PEBP1: variants seen among roughly 807,000 people sequenced by gnomAD.
PEBP1 encodes phosphatidylethanolamine-binding protein 1.
In PEBP1, 17 loss-of-function variants were observed where a neutral mutation model predicts 22.7. That is an observed-to-expected ratio of 0.75 (90% confidence interval 0.51 to 1.12). The LOEUF (loss-of-function observed/expected upper bound fraction) is 1.12, where lower values mean the gene tolerates loss of function less well. Ranked by LOEUF, PEBP1 falls within the 50% of genes most tolerant of loss-of-function variation. The probability of loss-of-function intolerance (pLI) is 0.00; values close to 1 mark genes in which losing one functional copy is unlikely to be tolerated. For synonymous variants in PEBP1, 106 were observed against 104.3 expected (o/e 1.02, Z -0.10); for missense variants, 205 against 243.5 (o/e 0.84, Z 1.05).
At chr12:118,137,945 C>A in intron 1 of PEBP1, 94 bp from the exon 2 acceptor site, 1 of 821,758 alleles carries the variant, frequency 1.2e-6, no homozygotes, top group Admixed American at 2.0e-5. Flanking sequence ...CCTAGGCCTC[C>A]CAAAGTGCTG....
chr12:118,137,256 G>GA (rs1304744650), intron 1 of PEBP1, among the ~76,000 whole-genome samples: 2 of 152,158 alleles, frequency 1.3e-5, no homozygotes, highest in Non-Finnish European at 2.9e-5. Context: ...GTGTCGTTGA[G>GA]AGGGGACTCA....
intron 3 of PEBP1, among the ~76,000 whole-genome samples, chr12:118,141,400 C>T (rs1265652873): frequency 6.6e-6 from 1 of 152,212 alleles, no homozygotes; most frequent in Non-Finnish European, 1.5e-5. Flanking sequence ...CAGGCGTGAG[C>T]CACTGTGTCC....
rs774728847 is a variant in PEBP1, at chr12:118,136,375, G to C, written c.135+31G>C. ...CCGGGCGGCGGGCGTGCAGCGAGCGGCACGGCGCGGAGGCCTGTGCCGGCC... is the reference window on the plus strand; with the variant it reads ...CCGGGCGGCGGGCGTGCAGCGAGCGCCACGGCGCGGAGGCCTGTGCCGGCC... On this transcript the variant is annotated intron_variant, in intron 1 of 3. Transcript: ENST00000261313. This position sits in a 1 kb window ranked among gnomAD's most constrained non-coding sequence, Gnocchi z 5.6. 85 of 1,527,946 alleles carry C rather than the reference G, an allele frequency of 5.6e-5. 2 individuals carry two copies. In the South Asian group the frequency reaches 1.0e-3, roughly 18 times the overall value. 94.6% of individuals were successfully genotyped at this position (1,527,946 alleles called of 1,614,324 possible). A position where few individuals can be genotyped will look rare whatever the true frequency, so the allele number is the denominator to read the frequency against.
At chr12:118,138,249 C>A (rs1037522034) in intron 2 of PEBP1, 101 bp downstream of exon 2, 22 of 794,096 alleles carry the variant, frequency 2.8e-5, no homozygotes, top group Middle Eastern at 2.2e-4. Flanking sequence ...TTTGGGATGC[C>A]CCCACCCATG....
Position 118,136,191 on chromosome 12 carries a change from C to A in PEBP1, c.-19C>A. ...GCCTACCGCGGCACTCCCGGCTGCA[C>A]GCTCTGCTTGGCCTCGCCATGCCGG... On this transcript the variant is annotated 5_prime_UTR_variant, in exon 1 of 4. Coordinates refer to ENST00000261313, the MANE Select transcript of PEBP1 (RefSeq NM_002567.4). This position sits in a 1 kb window ranked among gnomAD's most constrained non-coding sequence, Gnocchi z 5.6. 6.5e-7 allele frequency: 1 copy of A among 1,543,006 alleles called. No homozygotes were observed.
chr12:118,141,141 G>C (rs1318589443), intron 3 of PEBP1, among the ~76,000 whole-genome samples: 1 of 151,136 alleles, frequency 6.6e-6, no homozygotes, highest in Non-Finnish European at 1.5e-5. Context: ...TTCTGAGATG[G>C]AGTCTCGCTC....
chr12:118,140,260 T>G (rs751369125), intron 3 of PEBP1, among the ~76,000 whole-genome samples: 44 of 152,178 alleles, frequency 2.9e-4, no homozygotes, highest in Non-Finnish European at 5.3e-4. Flanking sequence ...GGTGGAACTG[T>G]CATAATCCTA....
chr12:118,136,606 AAG>A lies in PEBP1; in HGVS notation c.135+265_135+266del, dbSNP rs763343751. On this transcript the variant is annotated intron_variant, in intron 1 of 3. Transcript: ENST00000261313. This position sits in a 1 kb window ranked among gnomAD's most constrained non-coding sequence, Gnocchi z 5.6. Reference sequence around the variant, plus strand: ...TTCACTTTTCCCGGGCTTCAGACCCAAGAGGGACCTAGGTTCGGAAACAGGCC... The same window carrying A: ...TTCACTTTTCCCGGGCTTCAGACCCAAGGGACCTAGGTTCGGAAACAGGCC... 3.3e-5 allele frequency among the ~76,000 whole-genome samples: 5 copies of A among 152,178 alleles called. No homozygotes were observed. Among genetic ancestry groups the A allele is most frequent in the Non-Finnish European group, 7.3e-5 (5 of 68,040 alleles).
In PEBP1 at chr12:118,136,885, G is replaced by T. The variant is rs901033954; in HGVS notation, c.135+541G>T. On this transcript the variant is annotated intron_variant, in intron 1 of 3. Transcript: ENST00000261313. This position sits in a 1 kb window ranked among gnomAD's most constrained non-coding sequence, Gnocchi z 5.6. ...CGGTACGCTGGAGGGCAACGGTTTA[G>T]TTTTGGTCTTTGACCTCCCACGCCC... Among the ~76,000 whole-genome samples, 2 of 152,202 alleles carry T rather than the reference G, an allele frequency of 1.3e-5. No individual in the cohort carries two copies. The highest frequency in any genetic ancestry group is 2.9e-5 in the Non-Finnish European group (2 of 68,038).
intron 3 of PEBP1, among the ~76,000 whole-genome samples, chr12:118,142,885 G>A (rs2034126665): frequency 7.4e-6 from 1 of 135,116 alleles, no homozygotes; most frequent in South Asian, 2.5e-4. Flanking sequence ...TGTCCCCTAG[G>A]CTGGAGCACA....
chr12:118,136,472 C>A lies in PEBP1; in HGVS notation c.135+128C>A. 8.6e-7 allele frequency: 1 copy of A among 1,169,530 alleles called. No homozygotes were observed. Among genetic ancestry groups the A allele is most frequent in the African/African-American group, 1.6e-5 (1 of 62,550 alleles). The allele number at this position is 1,169,530 out of a possible 1,614,324, so 72.4% of individuals were successfully genotyped here. On this transcript the variant is annotated intron_variant, in intron 1 of 3. Transcript: ENST00000261313. The surrounding 1 kb of genome is among the most constrained non-coding windows in gnomAD (Gnocchi z 5.6). Reference sequence around the variant, plus strand: ...TTCAGCCTGCGTGTGTCGAGGCCCCCCCAGGCCAGAGGTCCCGGGGTCCAT... The same window carrying A: ...TTCAGCCTGCGTGTGTCGAGGCCCCACCAGGCCAGAGGTCCCGGGGTCCAT...
intron 2 of PEBP1, 73 bp from the exon 3 acceptor site, chr12:118,139,378 G>A: frequency 4.2e-6 from 4 of 956,306 alleles, no homozygotes; most frequent in Admixed American, 3.4e-5. Flanking sequence ...TGTTCTTGAT[G>A]CCCAGTTGCT....
At position 118,136,363 on chromosome 12, in the gene PEBP1, G is replaced by T; in HGVS notation, c.135+19G>T. 2 of 1,534,976 alleles carry T rather than the reference G, an allele frequency of 1.3e-6. No individual in the cohort carries two copies. The highest frequency in any genetic ancestry group is 1.7e-6 in the Non-Finnish European group (2 of 1,144,368). The stretch of plus-strand genomic sequence containing the variant: ...CACCCAGGTACACCGGGCGGCGGGC[G>T]TGCAGCGAGCGGCACGGCGCGGAGG... On this transcript the variant is annotated intron_variant, in intron 1 of 3. Coordinates refer to ENST00000261313, the MANE Select transcript of PEBP1 (RefSeq NM_002567.4). The surrounding 1 kb of genome is among the most constrained non-coding windows in gnomAD (Gnocchi z 5.6).
rs1036977143 is a variant in PEBP1 at position 118,136,186 on chromosome 12, C to T, written c.-24C>T. 3 of 1,542,214 alleles carry T rather than the reference C, an allele frequency of 1.9e-6. No individual in the cohort carries two copies. In the African/African-American group the frequency reaches 4.1e-5, roughly 21 times the overall value. On this transcript the variant is annotated 5_prime_UTR_variant, in exon 1 of 4. Transcript: ENST00000261313. The surrounding 1 kb of genome is among the most constrained non-coding windows in gnomAD (Gnocchi z 5.6). ...GCCTGGCCTACCGCGGCACTCCCGG[C>T]TGCACGCTCTGCTTGGCCTCGCCAT...
intron 1 of PEBP1, among the ~76,000 whole-genome samples, chr12:118,137,197 C>G (rs1292739428): frequency 6.6e-6 from 1 of 152,150 alleles, no homozygotes; most frequent in African/African-American, 2.4e-5. Flanking sequence ...AGGTAACCTC[C>G]TGATCACCAA....
chr12:118,140,736 C>T (rs575865886), intron 3 of PEBP1, among the ~76,000 whole-genome samples: 6 of 152,252 alleles, frequency 3.9e-5, no homozygotes, highest in African/African-American at 1.4e-4. Context: ...GACGGGGTTT[C>T]ACCGTGTTAG....
At chr12:118,144,536 A>G in intron 3 of PEBP1, 50 bp from the exon 4 acceptor site, 1 of 1,537,874 alleles carries the variant, frequency 6.5e-7, no homozygotes, top group Non-Finnish European at 8.9e-7. Context: ...TGATGTCCCC[A>G]TCTCAAGTGC....
At chr12:118,140,971 C>G (rs1566200082) in intron 3 of PEBP1, among the ~76,000 whole-genome samples, 2 of 152,054 alleles carry the variant, frequency 1.3e-5, no homozygotes, top group African/African-American at 4.8e-5. Context: ...CAAATGTGAT[C>G]AATGCATACA....
intron 3 of PEBP1, 45 bp from the exon 4 acceptor site, chr12:118,144,540 CA>C (rs2034139431): frequency 1.7e-5 from 26 of 1,553,388 alleles, no homozygotes; most frequent in Non-Finnish European, 2.3e-5. Flanking sequence ...GTCCCCATCT[CA>C]AGTGCTGGGC....
Sources: allele counts gnomAD v4.1 joint callset (sites outside exome capture counted in the v4.1 genomes callset), GRCh38; gene constraint gnomAD v4.1.1; non-coding constraint Gnocchi (gnomAD v3.1); transcripts MANE v1.5; gene names NCBI Gene and HGNC (gene_info 2026-07-23, HGNC 2026-07-21).